Variants in GRK4 observed in about 807,000 individuals in gnomAD.
The protein encoded by GRK4 is G protein-coupled receptor kinase 4, also known as G protein-coupled receptor kinase 2-like.
In GRK4, 73 loss-of-function variants were observed where a neutral mutation model predicts 77.9. That is an observed-to-expected ratio of 0.94 (90% confidence interval 0.78 to 1.14). The LOEUF is 1.14. Among genes scored for constraint, GRK4 ranks in the 50% most tolerant of loss-of-function variants. The pLI, the probability that GRK4 is intolerant of heterozygous loss-of-function variation, is 0.00. For missense variants in GRK4, 729 were observed against 700.2 expected (o/e 1.04, Z -0.46); for synonymous variants, 257 against 254.4 (o/e 1.01, Z -0.10).
rs1178332457 is a variant in GRK4 at position 2,963,850 on chromosome 4, G to A, written c.-221G>A. Reference sequence around the variant, plus strand: ...CGCGGTCGGGCTGCCCCCTCCCCTCGCCCCGACCGCTCCCCTGCTGGTGAG... The same window carrying A: ...CGCGGTCGGGCTGCCCCCTCCCCTCACCCCGACCGCTCCCCTGCTGGTGAG... On this transcript the variant is annotated 5_prime_UTR_variant, in exon 1 of 16. Transcript: ENST00000398052. The A allele has an allele frequency of 6.9e-6, 4 of 579,152 alleles. No homozygotes were observed. The highest frequency in any genetic ancestry group is 1.2e-5 in the Non-Finnish European group (4 of 330,712). 35.9% of individuals were successfully genotyped at this position (579,152 alleles called of 1,614,324 possible).
At chr4:3,027,020 A>C (rs1737770561) in intron 10 of GRK4, among the ~76,000 whole-genome samples, 1 of 152,190 alleles carries the variant, frequency 6.6e-6, no homozygotes, top group Non-Finnish European at 1.5e-5. Context: ...CTTTCTACAC[A>C]CTCAACAGAA....
At chr4:3,002,572 C>T (rs762094343) in intron 4 of GRK4, among the ~76,000 whole-genome samples, 9 of 152,118 alleles carry the variant, frequency 5.9e-5, no homozygotes, top group Non-Finnish European at 8.8e-5. Flanking sequence ...GGCGTGGTGG[C>T]GGGCACCTGT....
At chr4:2,987,803 C>T (rs748330023) in intron 2 of GRK4, among the ~76,000 whole-genome samples, 1 of 151,908 alleles carries the variant, frequency 6.6e-6, no homozygotes, top group Non-Finnish European at 1.5e-5. Flanking sequence ...GGGCCAGGCG[C>T]CATGACTCAT....
At chr4:2,984,341 C>G (rs1226050678) in intron 1 of GRK4, among the ~76,000 whole-genome samples, 172 bp from the exon 2 acceptor site, 2 of 152,172 alleles carry the variant, frequency 1.3e-5, no homozygotes, top group Admixed American at 1.3e-4. Context: ...GAATTTTATA[C>G]TTCATCAAGC....
Position 3,027,937 on chromosome 4 carries a change from T to C in GRK4, c.996T>C (p.Gly332=), listed in dbSNP as rs755378179. 5 of 1,614,072 alleles carry C rather than the reference T, an allele frequency of 3.1e-6. No homozygotes were observed. The highest frequency in any genetic ancestry group is 1.7e-5 in the Admixed American group (1 of 60,002). The change falls in exon 11 of 16, where the codon GGT becomes GGC. Residue 332 remains glycine (G), a synonymous_variant. Coordinates refer to ENST00000398052, the MANE Select transcript of GRK4 (RefSeq NM_182982.3). ...DRGHIRISDL[G]LATEIPEGQR... Reference sequence around the variant, plus strand: ...GACACATCCGGATTTCAGACCTCGGTTTGGCCACAGAGATCCCAGAAGGAC... The same window carrying C: ...GACACATCCGGATTTCAGACCTCGGCTTGGCCACAGAGATCCCAGAAGGAC...
At chr4:2,979,246 C>A (rs564054777) in intron 1 of GRK4, among the ~76,000 whole-genome samples, 26 of 149,480 alleles carry the variant, frequency 1.7e-4, no homozygotes, top group South Asian at 1.3e-3. Flanking sequence ...CAAAAAAAAA[C>A]CCCACAAATT....
At chr4:3,013,225 T>A (rs532407689) in intron 7 of GRK4, among the ~76,000 whole-genome samples, 70 of 151,982 alleles carry the variant, frequency 4.6e-4, no homozygotes, top group Admixed American at 5.2e-4. Context: ...TTTGTTTTTT[T>A]ATTTTTCGTA....
chr4:3,014,666 G>A (rs181343796), intron 8 of GRK4, among the ~76,000 whole-genome samples: 126 of 152,106 alleles, frequency 8.3e-4, no homozygotes, highest in Non-Finnish European at 1.5e-3. Flanking sequence ...GCCTGGTGGC[G>A]CGTGCCTGTA....
chr4:3,040,587 G>A lies in GRK4; in HGVS notation c.1699G>A (p.Val567Ile). The A allele has an allele frequency of 6.2e-7, 1 of 1,610,838 alleles. No homozygotes were observed. Among genetic ancestry groups the A allele is most frequent in the Non-Finnish European group, 8.5e-7 (1 of 1,178,806 alleles). Residue 567 changes from valine to isoleucine, a missense_variant, in exon 16 of 16, where the codon GTC (valine) becomes ATC (isoleucine). Physicochemically the swap from Val to Ile is conservative, Grantham distance 29. Coordinates refer to ENST00000398052, the MANE Select transcript of GRK4 (RefSeq NM_182982.3). ...LFRRGGCLTM[V>I]PSEKEVEPKQ... is the part of the protein sequence containing the mutation. The stretch of plus-strand genomic sequence containing the variant: ...TGTGTTGTAGGGCTGCCTGACCATG[G>A]TCCCCAGTGAGAAGGAAGTGGAACC...
intron 1 of GRK4, among the ~76,000 whole-genome samples, chr4:2,967,257 A>G (rs1717996974): frequency 6.6e-6 from 1 of 152,256 alleles, no homozygotes; most frequent in Non-Finnish European, 1.5e-5. Context: ...CAGCTTGAAC[A>G]GACTAAGATG....
chr4:2,966,834 A>G (rs1283788983), intron 1 of GRK4: 1 of 152,242 alleles, frequency 6.6e-6, no homozygotes, highest in Non-Finnish European at 1.5e-5. Flanking sequence ...ATTTAATATT[A>G]TTAGTGAGTC....
rs559759552 is a variant in GRK4, at chr4:2,988,588, C to CAACAAT, written c.149-134_149-133insTAACAA. On this transcript the variant is annotated intron_variant, in intron 2 of 15. Transcript: ENST00000398052. The stretch of plus-strand genomic sequence containing the variant: ...GACTGTCTGAAACAAACAACAACAA[C>CAACAAT]AACAACAAGATGAAAATAATACGGC... The CAACAAT allele has an allele frequency of 1.2e-3, 650 of 552,380 alleles. 2 individuals are homozygous for CAACAAT. The highest frequency in any genetic ancestry group is 0.011 in the African/African-American group (587 of 51,984). The allele number at this position is 552,380 out of a possible 1,614,324, so 34.2% of individuals were successfully genotyped here.
At chr4:3,013,272 G>A (rs547354729) in intron 7 of GRK4, among the ~76,000 whole-genome samples, 1 of 151,838 alleles carries the variant, frequency 6.6e-6, no homozygotes, top group East Asian at 2.0e-4. Context: ...GGTTGGTTTC[G>A]AGCTCCTGAC....
At chr4:3,016,984 A>C (rs1734732991) in intron 8 of GRK4, among the ~76,000 whole-genome samples, 1 of 152,156 alleles carries the variant, frequency 6.6e-6, no homozygotes, top group African/African-American at 2.4e-5. Context: ...TGGCATGTTC[A>C]TCCCTGCTGC....
chr4:2,969,017 G>GA (rs1450379440), intron 1 of GRK4, among the ~76,000 whole-genome samples: 2 of 152,038 alleles, frequency 1.3e-5, no homozygotes, highest in Non-Finnish European at 2.9e-5. Flanking sequence ...AGAAGTAAGG[G>GA]AAGGGCTGCA....
At chr4:3,002,042 G>A (rs2109802855) in intron 4 of GRK4, among the ~76,000 whole-genome samples, 1 of 152,242 alleles carries the variant, frequency 6.6e-6, no homozygotes, top group East Asian at 1.9e-4. Context: ...ACTGTGAGTG[G>A]GAATACAGAG....
chr4:2,991,731 C>G (rs1457771432), intron 3 of GRK4, among the ~76,000 whole-genome samples: 1 of 152,056 alleles, frequency 6.6e-6, no homozygotes, highest in Non-Finnish European at 1.5e-5. Flanking sequence ...AGGCTGGTCT[C>G]CAACTCCCAG....
At chr4:3,000,654 T>C (rs902304369) in intron 4 of GRK4, among the ~76,000 whole-genome samples, 3 of 151,894 alleles carry the variant, frequency 2.0e-5, no homozygotes, top group African/African-American at 7.3e-5. Context: ...AACCTTTGCC[T>C]CCTGGGTTCA....
In GRK4 at chr4:2,964,065, C is replaced by T; in HGVS notation, c.-6C>T. The T allele has an allele frequency of 1.2e-6, 2 of 1,609,074 alleles. No homozygotes were observed. Among genetic ancestry groups the T allele is most frequent in the Non-Finnish European group, 8.5e-7 (1 of 1,179,006 alleles). On this transcript the variant is annotated 5_prime_UTR_variant, in exon 1 of 16. Coordinates refer to ENST00000398052, the MANE Select transcript of GRK4 (RefSeq NM_182982.3). ...CAGAATCCGCCGGCGGCGGCGGCGC[C>T]AGGACATGGAGCTCGAGAACATCGT...
Sources: gnomAD v4.1 joint callset for allele counts (sites outside exome capture counted in the v4.1 genomes callset) on GRCh38, gnomAD v4.1.1 for gene constraint, MANE v1.5 for transcripts, NCBI Gene and HGNC (gene_info 2026-07-23, HGNC 2026-07-21) for gene names.